The following STRA8 variants were observed in gnomAD, a reference collection of about 807,000 sequenced individuals.
STRA8 encodes stimulated by retinoic acid 8, also known as stimulated by retinoic acid gene 8 protein homolog.
Under a neutral mutation model 37.1 loss-of-function variants are expected in STRA8, and 18 were observed. The observed-to-expected ratio is 0.48, with a 90% CI of 0.34 to 0.72. STRA8 has a LOEUF of 0.72. STRA8 is among the 30% of genes least tolerant of loss of function. The pLI is 0.01. For missense variants in STRA8, 357 were observed against 410.4 expected (o/e 0.87, Z 1.13); for synonymous variants, 168 against 162.9 (o/e 1.03, Z -0.24).
chr7:135,237,107 A>G (rs566618471), intron 1 of STRA8, among the ~76,000 whole-genome samples: 1 of 152,300 alleles, frequency 6.6e-6, no homozygotes, highest in East Asian at 1.9e-4. Context: ...AACTGAAGAC[A>G]GGGGCAGAGA....
Position 135,246,717 on chromosome 7 carries a change from C to A in STRA8, c.879+15C>A, listed in dbSNP as rs559279929. 3.3e-6 allele frequency: 5 copies of A among 1,506,482 alleles called. No individual in the cohort carries two copies. The African/African-American group carries it at 5.6e-5, about 17-fold the overall frequency. 93.3% of individuals were successfully genotyped at this position (1,506,482 alleles called of 1,614,324 possible). A position where few individuals can be genotyped will look rare whatever the true frequency, so the allele number is the denominator to read the frequency against. The stretch of plus-strand genomic sequence containing the variant: ...CGCCCGAGGAGGTGAGCAGGCCCAC[C>A]GGGGTGGCGTGGATGGGGCACGGGA... On this transcript the variant is annotated intron_variant, in intron 6 of 8. Coordinates refer to ENST00000662584, the MANE Select transcript of STRA8 (RefSeq NM_001394401.1). The surrounding 1 kb of genome is among the most constrained non-coding windows in gnomAD (Gnocchi z 5.4).
intron 7 of STRA8, 60 bp from the exon 8 acceptor site, chr7:135,255,054 G>A: frequency 1.5e-6 from 2 of 1,332,882 alleles, no homozygotes; most frequent in Non-Finnish European, 2.2e-6. Flanking sequence ...GGAGGGGGAA[G>A]CAGAGTTGAA....
intron 6 of STRA8, among the ~76,000 whole-genome samples, chr7:135,247,762 AG>A (rs1392220493): frequency 2.0e-5 from 3 of 152,238 alleles, no homozygotes; most frequent in Non-Finnish European, 4.4e-5. Context: ...TCAGAACGCT[AG>A]TCAGAATGGC....
intron 1 of STRA8, among the ~76,000 whole-genome samples, chr7:135,234,601 T>A (rs1173000514): frequency 6.6e-6 from 1 of 152,238 alleles, no homozygotes; most frequent in Non-Finnish European, 1.5e-5. Flanking sequence ...AGGGCATTTT[T>A]TTTAAAGTTT....
At chr7:135,234,624 T>G (rs1037893037) in intron 1 of STRA8, among the ~76,000 whole-genome samples, 3 of 152,070 alleles carry the variant, frequency 2.0e-5, no homozygotes, top group African/African-American at 7.2e-5. Context: ...TCTAGGGAGT[T>G]TTTTAAACGT....
In STRA8 at chr7:135,252,011, A is replaced by AGTGTGT. The variant is rs1348457120; in HGVS notation, c.953+143_953+144insTGTGTG. On this transcript the variant is annotated intron_variant, in intron 7 of 8. Coordinates refer to ENST00000662584, the MANE Select transcript of STRA8 (RefSeq NM_001394401.1). The stretch of plus-strand genomic sequence containing the variant: ...AGAGAGGAGACAGAGGGAGAGAGAG[A>AGTGTGT]GAGTGTGTGTGTGTGTGTGTGTGTG... 1,505 of 646,738 alleles carry AGTGTGT rather than the reference A, an allele frequency of 2.3e-3. 17 individuals carry two copies. The African/African-American group carries it at 0.038, about 16-fold the overall frequency. The allele number at this position is 646,738 out of a possible 1,614,324, so 40.1% of individuals were successfully genotyped here.
At chr7:135,251,700 G>T in intron 6 of STRA8, 96 bp from the exon 7 acceptor site, 2 of 1,236,852 alleles carry the variant, frequency 1.6e-6, no homozygotes, top group Non-Finnish European at 2.4e-6. Flanking sequence ...TATGTGTAAA[G>T]AGAGAGCCTT....
chr7:135,242,882 C>T, intron 3 of STRA8, 26 bp downstream of exon 3: 1 of 1,609,086 alleles, frequency 6.2e-7, no homozygotes, highest in Non-Finnish European at 8.5e-7. Context: ...TTGCCAACCC[C>T]ATCTCCCTCC....
At chr7:135,234,106 T>G (rs111855940) in intron 1 of STRA8, among the ~76,000 whole-genome samples, 2,055 of 150,726 alleles carry the variant, frequency 0.014, 45 homozygotes, top group African/African-American at 0.048. Flanking sequence ...TGATGATGAT[T>G]ATTATTATTA....
chr7:135,256,661 T>G (rs1335739630), intron 8 of STRA8, among the ~76,000 whole-genome samples: 1 of 152,086 alleles, frequency 6.6e-6, no homozygotes, highest in Non-Finnish European at 1.5e-5. Flanking sequence ...AAAAATTAGC[T>G]GGGTGTGGTG....
chr7:135,252,011 AGAGTGT>A (rs1277934101), intron 7 of STRA8, 142 bp downstream of exon 7: 2 of 647,230 alleles, frequency 3.1e-6, no homozygotes, highest in African/African-American at 2.9e-5. Flanking sequence ...GGAGAGAGAG[AGAGTGT>A]GTGTGTGTGT....
At chr7:135,245,159 CATG>C (rs1251570949) in intron 4 of STRA8, 126 bp from the exon 5 acceptor site, 3 of 630,076 alleles carry the variant, frequency 4.8e-6, no homozygotes, top group Non-Finnish European at 5.8e-6. Context: ...CTCATTTGGT[CATG>C]ATGTGTACAC....
At position 135,246,080 on chromosome 7, in the gene STRA8, A is replaced by G. The variant is rs1832548706; in HGVS notation, c.594-337A>G. On this transcript the variant is annotated intron_variant, in intron 5 of 8. Coordinates refer to ENST00000662584, the MANE Select transcript of STRA8 (RefSeq NM_001394401.1). The surrounding 1 kb of genome is among the most constrained non-coding windows in gnomAD (Gnocchi z 5.4). The stretch of plus-strand genomic sequence containing the variant: ...AGTTGGAGTCCTATCATGCCAGCAC[A>G]TTCATGGGCTCAGAATTTTCAAGAA... The G allele has an allele frequency of 2.9e-6, 1 of 341,532 alleles. No homozygotes were observed. Among genetic ancestry groups the G allele is most frequent in the Non-Finnish European group, 5.4e-6 (1 of 183,658 alleles). The allele number at this position is 341,532 out of a possible 1,614,324, so 21.2% of individuals were successfully genotyped here.
chr7:135,256,559 C>T lies in STRA8; in HGVS notation c.1065+1334C>T, dbSNP rs546220141. Among the ~76,000 whole-genome samples, 96 of 152,312 alleles carry T rather than the reference C, an allele frequency of 6.3e-4. 1 individual carries two copies. Among genetic ancestry groups the T allele is most frequent in the Non-Finnish European group, 4.9e-4 (33 of 68,038 alleles). On this transcript the variant is annotated intron_variant, in intron 8 of 8. Transcript: ENST00000662584. ...GTGGCTCACACCTGGAATCCCAGCA[C>T]TTTGGGAGGCTGAGGTGGGCAGATC...
intron 6 of STRA8, among the ~76,000 whole-genome samples, chr7:135,248,400 T>C (rs1484302415): frequency 3.6e-3 from 5 of 1,380 alleles, no homozygotes; most frequent in Non-Finnish European, 5.7e-3. Context: ...CCTGTGGAGT[T>C]TTTTTTTAAA....
rs78955288 is a variant in STRA8 at position 135,249,785 on chromosome 7, G to C, written c.880-2011G>C. Among the ~76,000 whole-genome samples the C allele has an allele frequency of 1.1e-3, 168 of 152,320 alleles. 5 individuals are homozygous for C. The East Asian group carries it at 0.023, about 21-fold the overall frequency. On this transcript the variant is annotated intron_variant, in intron 6 of 8. Transcript: ENST00000662584. ...GCCAGCACGAACACTTCCCCAGGAA[G>C]AACACATCCAAAGAGAAAACAACCA...
At chr7:135,251,899 C>A in intron 7 of STRA8, 30 bp downstream of exon 7, 1 of 1,604,652 alleles carries the variant, frequency 6.2e-7, no homozygotes, top group African/African-American at 1.3e-5. Context: ...ATAGCATGTG[C>A]CCCTGTGTGG....
chr7:135,238,122 C>G (rs966293785), intron 1 of STRA8, among the ~76,000 whole-genome samples: 1 of 152,184 alleles, frequency 6.6e-6, no homozygotes, highest in Admixed American at 6.5e-5. Context: ...ACATCTCCAG[C>G]GCTTGATTCT....
intron 8 of STRA8, among the ~76,000 whole-genome samples, chr7:135,255,776 A>T (rs1035526346): frequency 6.6e-5 from 10 of 152,220 alleles, no homozygotes; most frequent in African/African-American, 2.4e-4. Flanking sequence ...GGTGCCATAA[A>T]GGTTGGGAAC....
Sources: allele counts gnomAD v4.1 joint callset (sites outside exome capture counted in the v4.1 genomes callset), GRCh38; gene constraint gnomAD v4.1.1; non-coding constraint Gnocchi (gnomAD v3.1); transcripts MANE v1.5; gene names NCBI Gene and HGNC (gene_info 2026-07-23, HGNC 2026-07-21).